TTC21B: variants seen among roughly 807,000 people sequenced by gnomAD.
TTC21B encodes the protein tetratricopeptide repeat protein 21B.
In TTC21B, 127 loss-of-function variants were observed where a neutral mutation model predicts 175.1. The ratio of observed to expected loss-of-function variants is 0.73; its 90% CI spans 0.63 to 0.84. The LOEUF is 0.84. Among genes scored for constraint, TTC21B ranks in the 40% least tolerant of loss-of-function variants. The pLI is 0.00. For synonymous variants in TTC21B, 524 were observed against 524.5 expected (o/e 1.00, Z 0.01); for missense variants, 1,561 against 1,558.3 (o/e 1.00, Z -0.03).
At position 165,901,502 on chromosome 2, in the gene TTC21B, C is replaced by T. The variant is rs1405633818; in HGVS notation, c.2757+220G>A. On this transcript the variant is annotated intron_variant, in intron 20 of 28. Coordinates refer to ENST00000243344, the MANE Select transcript of TTC21B (RefSeq NM_024753.5). ...CCACGCTGGCTAATTTTTGTATTTTCAGTAAAGACAAGGTTTCCCCATGTT... is the reference window on the plus strand; with the variant it reads ...CCACGCTGGCTAATTTTTGTATTTTTAGTAAAGACAAGGTTTCCCCATGTT... Among the ~76,000 whole-genome samples, 3 of 151,658 alleles carry T rather than the reference C, an allele frequency of 2.0e-5. No individual in the cohort carries two copies. The East Asian group carries it at 5.8e-4, about 30-fold the overall frequency.
chr2:165,918,030 G>A (rs1187981944), intron 13 of TTC21B, among the ~76,000 whole-genome samples: 1 of 152,162 alleles, frequency 6.6e-6, no homozygotes, highest in African/African-American at 2.4e-5. Context: ...ATAAAAATGA[G>A]GTGGGAAAAA....
rs968021831 is a variant in TTC21B, at chr2:165,899,891, A to C, written c.2758-11T>G. 2.0e-5 allele frequency: 31 copies of C among 1,536,016 alleles called. No homozygotes were observed. The highest frequency in any genetic ancestry group is 2.7e-5 in the Non-Finnish European group (30 of 1,109,124). On this transcript the variant is annotated splice_polypyrimidine_tract_variant and intron_variant, in intron 20 of 28. Transcript: ENST00000243344. The stretch of plus-strand genomic sequence containing the variant: ...CAGTTCCAACATAATCTGTAGAGCA[A>C]AGGGCTAGATTCATCAGACACTGTA...
chr2:165,917,616 C>T, intron 13 of TTC21B, 135 bp from the exon 14 acceptor site: 2 of 759,720 alleles, frequency 2.6e-6, no homozygotes, highest in South Asian at 1.6e-5. Flanking sequence ...CTATCTCTGC[C>T]CTCTTATTAA....
At chr2:165,906,242 A>T in intron 19 of TTC21B, among the ~76,000 whole-genome samples, 1 of 126,592 alleles carries the variant, frequency 7.9e-6, no homozygotes, top group Admixed American at 9.5e-5. Flanking sequence ...CTAACATACT[A>T]TTTCAAGAGG....
intron 28 of TTC21B, among the ~76,000 whole-genome samples, chr2:165,875,118 T>A (rs916594070): frequency 4.6e-5 from 7 of 152,170 alleles, no homozygotes; most frequent in African/African-American, 1.7e-4. Context: ...TATCAATGAT[T>A]TAAAATATTT....
chr2:165,945,494 T>C (rs757678652), intron 4 of TTC21B, 30 bp downstream of exon 4: 13 of 1,593,482 alleles, frequency 8.2e-6, no homozygotes, highest in Non-Finnish European at 1.1e-5. Context: ...TTTTTTAATG[T>C]TATTATTTTA....
chr2:165,953,671 G>GCTCACCCA lies in TTC21B; in HGVS notation c.21+13_21+14insTGGGTGAG, dbSNP rs1687834244. ...CGCCCGCCCGCTCACCCGCTCACCCGCTCACCCGCTCACCTTCAATTCCTG... is the reference window on the plus strand; with the variant it reads ...CGCCCGCCCGCTCACCCGCTCACCCGCTCACCCACTCACCCGCTCACCTTCAATTCCTG... On this transcript the variant is annotated intron_variant, in intron 1 of 28. Transcript: ENST00000243344. The GCTCACCCA allele has an allele frequency of 1.3e-6, 2 of 1,512,688 alleles. No homozygotes were observed. The highest frequency in any genetic ancestry group is 1.8e-6 in the Non-Finnish European group (2 of 1,123,238). The allele number at this position is 1,512,688 out of a possible 1,614,324, so 93.7% of individuals were successfully genotyped here. A position where few individuals can be genotyped will look rare whatever the true frequency, so the allele number is the denominator to read the frequency against.
At chr2:165,911,846 G>A (rs7596266) in intron 17 of TTC21B, among the ~76,000 whole-genome samples, 2,369 of 151,846 alleles carry the variant, frequency 0.016, 75 homozygotes, top group African/African-American at 0.055. Context: ...GTATTTTTTC[G>A]TAGAGATGGG....
chr2:165,889,587 A>T (rs574797690), intron 24 of TTC21B, among the ~76,000 whole-genome samples: 29 of 151,822 alleles, frequency 1.9e-4, no homozygotes, highest in African/African-American at 7.0e-4. Context: ...TGTTACCTCA[A>T]CCTTCCTAAA....
chr2:165,886,352 G>T (rs2105287207), intron 25 of TTC21B, among the ~76,000 whole-genome samples: 1 of 152,236 alleles, frequency 6.6e-6, no homozygotes, highest in East Asian at 1.9e-4. Context: ...ATCATAGTCA[G>T]TATGCTTGTC....
chr2:165,931,932 C>G (rs1056218939), intron 7 of TTC21B, 76 bp from the exon 8 acceptor site: 1 of 930,828 alleles, frequency 1.1e-6, no homozygotes. Flanking sequence ...TACACACTAA[C>G]AAAGCATTAC....
intron 24 of TTC21B, 78 bp from the exon 25 acceptor site, chr2:165,888,552 C>A: frequency 8.7e-7 from 1 of 1,145,418 alleles, no homozygotes; most frequent in Non-Finnish European, 1.3e-6. Flanking sequence ...AGCTTTTGTA[C>A]ACAAAAGCTC....
At chr2:165,946,287 A>C (rs7567718) in intron 3 of TTC21B, among the ~76,000 whole-genome samples, 5 of 152,116 alleles carry the variant, frequency 3.3e-5, no homozygotes, top group African/African-American at 7.2e-5. Context: ...TGCAGTGAGC[A>C]GAGATCGCGC....
intron 22 of TTC21B, 73 bp downstream of exon 22, chr2:165,898,613 A>G (rs1685449752): frequency 9.8e-7 from 1 of 1,021,118 alleles, no homozygotes; most frequent in Admixed American, 1.7e-5. Context: ...CGAGGGCATA[A>G]CCACTAAACA....
Position 165,907,735 on chromosome 2 carries a change from T to C in TTC21B, c.2511A>G (p.Leu837=). 1 of 1,613,374 alleles carries C rather than the reference T, an allele frequency of 6.2e-7. No homozygotes were observed. The highest frequency in any genetic ancestry group is 8.5e-7 in the Non-Finnish European group (1 of 1,179,732). ...TTTCCATTTTACTATAAACTTTTGC[T>C]AGAAGAACTTGACAACGTCCATCCT... ...LMEDGRCQVL[L]AKVYSKMEKL... The change falls in exon 19 of 29, where the codon CTA becomes CTG. Residue 837 remains leucine, a synonymous_variant. Transcript: ENST00000243344.
At chr2:165,934,067 C>T (rs1687015508) in intron 6 of TTC21B, 1 of 152,040 alleles carries the variant, frequency 6.6e-6, no homozygotes. Flanking sequence ...CCTCGATGAC[C>T]CACAAAAATG....
intron 11 of TTC21B, among the ~76,000 whole-genome samples, chr2:165,927,986 T>C (rs1232984413): frequency 2.0e-5 from 3 of 152,148 alleles, no homozygotes; most frequent in Non-Finnish European, 4.4e-5. Flanking sequence ...TATAATAAAG[T>C]TAGGATGTCT....
intron 21 of TTC21B, among the ~76,000 whole-genome samples, chr2:165,899,153 A>C (rs1685468375): frequency 6.6e-6 from 1 of 152,216 alleles, no homozygotes; most frequent in Non-Finnish European, 1.5e-5. Context: ...TTTAAATCAT[A>C]ACTATTTTGA....
At chr2:165,923,442 CTTTT>C (rs772438655) in intron 12 of TTC21B, among the ~76,000 whole-genome samples, 1 of 130,338 alleles carries the variant, frequency 7.7e-6, no homozygotes, top group African/African-American at 2.8e-5. Context: ...ATATGATGGT[CTTTT>C]TTTTTTTTTT....
Sources: gnomAD v4.1 joint callset for allele counts (sites outside exome capture counted in the v4.1 genomes callset) on GRCh38, gnomAD v4.1.1 for gene constraint, MANE v1.5 for transcripts, NCBI Gene and HGNC (gene_info 2026-07-23, HGNC 2026-07-21) for gene names.